Variants in COBL observed in about 807,000 individuals in gnomAD.
The protein encoded by COBL is protein cordon-bleu.
In COBL, 51 loss-of-function variants were observed where a neutral mutation model predicts 98.8. That is an observed-to-expected ratio of 0.52 (90% CI 0.41 to 0.65). The LOEUF is 0.65. Ranked by LOEUF, COBL falls within the 30% of genes least tolerant of loss-of-function variation. COBL has a pLI of 0.00. For synonymous variants in COBL, 634 were observed against 651.7 expected, an observed-to-expected ratio of 0.97 and a Z score of 0.41; for missense variants, 1,617 against 1,617.5, an observed-to-expected ratio of 1.00 and a Z score of 0.01.
At chr7:51,139,830 C>G (rs1391195473) in intron 5 of COBL, among the ~76,000 whole-genome samples, 1 of 152,110 alleles carries the variant, frequency 6.6e-6, no homozygotes, top group Non-Finnish European at 1.5e-5. Context: ...AAAGGGAAAA[C>G]CAAGAGCTTA....
At chr7:51,100,930 CA>C (rs1014872717) in intron 6 of COBL, among the ~76,000 whole-genome samples, 112 of 150,298 alleles carry the variant, frequency 7.5e-4, no homozygotes, top group African/African-American at 2.6e-3. Flanking sequence ...AAAACAACAA[CA>C]AAAAAAAACG....
At chr7:51,307,068 G>GGTGCA (rs1249869176) in intron 1 of COBL, among the ~76,000 whole-genome samples, 1 of 152,196 alleles carries the variant, frequency 6.6e-6, no homozygotes, top group African/African-American at 2.4e-5. Flanking sequence ...GGACAGGCCG[G>GGTGCA]GTGCAGTGGC....
At chr7:51,272,768 T>C (rs994465116) in intron 1 of COBL, among the ~76,000 whole-genome samples, 4 of 152,198 alleles carry the variant, frequency 2.6e-5, no homozygotes, top group African/African-American at 4.8e-5. Context: ...AGCTTGTACT[T>C]TGGGAGTCTC....
intron 5 of COBL, among the ~76,000 whole-genome samples, chr7:51,153,528 T>C (rs1187321480): frequency 2.0e-5 from 3 of 152,260 alleles, no homozygotes; most frequent in Non-Finnish European, 4.4e-5. Context: ...AAGATTTCAT[T>C]GTGACTGCTA....
At chr7:51,037,484 G>C (rs1203530714) in intron 8 of COBL, among the ~76,000 whole-genome samples, 1 of 152,214 alleles carries the variant, frequency 6.6e-6, no homozygotes, top group African/African-American at 2.4e-5. Context: ...GCATTGGCTG[G>C]GGTCATATGT....
At chr7:51,179,135 C>A (rs1051204071) in intron 5 of COBL, among the ~76,000 whole-genome samples, 1 of 152,136 alleles carries the variant, frequency 6.6e-6, no homozygotes, top group Non-Finnish European at 1.5e-5. Flanking sequence ...CAAACAGGGA[C>A]CCTGGAACTC....
chr7:51,170,393 A>T (rs1000181318), intron 5 of COBL, among the ~76,000 whole-genome samples: 2 of 151,424 alleles, frequency 1.3e-5, no homozygotes, highest in African/African-American at 4.8e-5. Flanking sequence ...CCTATTTTTA[A>T]AACTGGTAAG....
intron 1 of COBL, among the ~76,000 whole-genome samples, chr7:51,285,409 G>T (rs1416558558): frequency 1.4e-5 from 2 of 147,344 alleles, no homozygotes; most frequent in Non-Finnish European, 3.0e-5. Context: ...AATCCTCACA[G>T]AATTGATAGA....
chr7:51,162,691 C>A (rs1038351296), intron 5 of COBL, among the ~76,000 whole-genome samples: 28 of 152,172 alleles, frequency 1.8e-4, no homozygotes, highest in Non-Finnish European at 1.5e-5. Context: ...AATTTCTAAT[C>A]GCTACAATGA....
At chr7:51,274,865 G>C (rs1387687608) in intron 1 of COBL, among the ~76,000 whole-genome samples, 1 of 152,144 alleles carries the variant, frequency 6.6e-6, no homozygotes, top group African/African-American at 2.4e-5. Flanking sequence ...ATACTTTCAG[G>C]GTTTTCTGAG....
At chr7:51,116,760 A>C (rs1797306594) in intron 6 of COBL, among the ~76,000 whole-genome samples, 1 of 152,006 alleles carries the variant, frequency 6.6e-6, no homozygotes, top group South Asian at 2.1e-4. Flanking sequence ...TCTAATGGCA[A>C]TTCTTTATAT....
chr7:51,186,512 CTGT>C lies in COBL; in HGVS notation c.686-2316_686-2314del, dbSNP rs1328517201. On this transcript the variant is annotated intron_variant, in intron 4 of 12. Coordinates refer to ENST00000265136, the MANE Select transcript of COBL (RefSeq NM_015198.5). ...TCAGAAAACTGCAATGAGATCTAGC[CTGT>C]TGTTTCTCTTCTTGAATGAGGACAG... 7.9e-5 allele frequency among the ~76,000 whole-genome samples: 12 copies of C among 152,326 alleles called. No homozygotes were observed. The South Asian group carries it at 2.3e-3, about 29-fold the overall frequency.
intron 1 of COBL, chr7:51,259,829 T>C: frequency 1.3e-6 from 1 of 754,188 alleles, no homozygotes; most frequent in Non-Finnish European, 2.4e-6. Context: ...ACTAAAAATT[T>C]TCTTTAGGCG....
chr7:51,076,085 G>A (rs530461176), intron 7 of COBL, among the ~76,000 whole-genome samples: 1 of 152,352 alleles, frequency 6.6e-6, no homozygotes, highest in South Asian at 2.1e-4. Context: ...GGGAAGGAAA[G>A]TGGCAAATAA....
At chr7:51,245,530 C>T (rs965501457) in intron 1 of COBL, among the ~76,000 whole-genome samples, 1 of 152,124 alleles carries the variant, frequency 6.6e-6, no homozygotes, top group Non-Finnish European at 1.5e-5. Flanking sequence ...AGTGTGAGCT[C>T]AACAGGTATC....
chr7:51,052,852 G>A (rs1015495037), intron 7 of COBL, among the ~76,000 whole-genome samples: 1 of 152,094 alleles, frequency 6.6e-6, no homozygotes, highest in Non-Finnish European at 1.5e-5. Context: ...AAAGTATGTG[G>A]CCTACTTTTA....
intron 5 of COBL, among the ~76,000 whole-genome samples, chr7:51,141,577 CTGCCTG>C (rs1394503085): frequency 1.3e-5 from 2 of 151,846 alleles, no homozygotes; most frequent in African/African-American, 4.8e-5. Context: ...GTTCCTGTTG[CTGCCTG>C]CAGCCTCCTC....
chr7:51,220,230 G>C (rs573463751), intron 1 of COBL, among the ~76,000 whole-genome samples: 156 of 152,262 alleles, frequency 1.0e-3, no homozygotes, highest in African/African-American at 3.5e-3. Flanking sequence ...GGGGAGGGTG[G>C]GTGCAGCAGG....
chr7:51,208,300 G>A (rs1247116061), intron 2 of COBL, among the ~76,000 whole-genome samples: 1 of 151,706 alleles, frequency 6.6e-6, no homozygotes, highest in Non-Finnish European at 1.5e-5. Flanking sequence ...GAAGTGAGGA[G>A]CGTCTCCGCC....
Sources: allele counts gnomAD v4.1 joint callset (sites outside exome capture counted in the v4.1 genomes callset), GRCh38; gene constraint gnomAD v4.1.1; transcripts MANE v1.5; gene names NCBI Gene and HGNC (gene_info 2026-07-23, HGNC 2026-07-21).